The following UBE2Q2 variants were observed in gnomAD, a reference collection of about 807,000 sequenced individuals.
UBE2Q2 encodes the protein ubiquitin-conjugating enzyme E2 Q2.
A neutral mutation model predicts 59.9 loss-of-function variants in UBE2Q2; 54 were observed. The ratio of observed to expected loss-of-function variants is 0.90; its 90% CI spans 0.72 to 1.13. The LOEUF (loss-of-function observed/expected upper bound fraction) is 1.13, where lower values mean the gene tolerates loss of function less well. Among genes scored for constraint, UBE2Q2 ranks in the 50% most tolerant of loss-of-function variants. The pLI, the probability that UBE2Q2 is intolerant of heterozygous loss-of-function variation, is 0.00. For synonymous variants in UBE2Q2, 165 were observed against 155.2 expected (o/e 1.06, Z -0.47); for missense variants, 433 against 441.9 (o/e 0.98, Z 0.18).
chr15:75,891,458 T>C (rs1260381861), intron 11 of UBE2Q2, among the ~76,000 whole-genome samples: 1 of 151,606 alleles, frequency 6.6e-6, no homozygotes, highest in African/African-American at 2.4e-5. Flanking sequence ...TTTTACTTTT[T>C]TTTTTCTCTG....
intron 5 of UBE2Q2, among the ~76,000 whole-genome samples, chr15:75,875,000 G>A (rs2141621976): frequency 6.6e-6 from 1 of 152,228 alleles, no homozygotes; most frequent in Admixed American, 6.5e-5. Flanking sequence ...TTTTAGTAGA[G>A]CAAAGAAATT....
intron 9 of UBE2Q2, among the ~76,000 whole-genome samples, chr15:75,885,898 T>C (rs112177568): frequency 0.012 from 1,795 of 152,300 alleles, 30 homozygotes; most frequent in African/African-American, 0.041. Flanking sequence ...TAAAACCTCA[T>C]GATCAGTTTT....
At chr15:75,890,400 C>T (rs970682575) in intron 9 of UBE2Q2, 35 bp from the exon 10 acceptor site, 21 of 1,554,024 alleles carry the variant, frequency 1.4e-5, no homozygotes, top group Middle Eastern at 2.0e-4. Context: ...GAATAATTCT[C>T]GAGAATTTTG....
intron 3 of UBE2Q2, among the ~76,000 whole-genome samples, chr15:75,861,994 A>C (rs970519199): frequency 9.2e-5 from 14 of 152,248 alleles, no homozygotes; most frequent in Middle Eastern, 3.4e-3. Context: ...ATAGCGTCTC[A>C]TCCTCTCGGG....
chr15:75,881,801 AT>A (rs1024760927), intron 8 of UBE2Q2, among the ~76,000 whole-genome samples: 44 of 152,322 alleles, frequency 2.9e-4, no homozygotes, highest in Admixed American at 1.3e-3. Context: ...AACTTGCTAT[AT>A]TTTTAAGGAA....
intron 3 of UBE2Q2, among the ~76,000 whole-genome samples, chr15:75,867,187 A>G (rs1238765983): frequency 1.3e-5 from 2 of 152,150 alleles, no homozygotes; most frequent in Non-Finnish European, 2.9e-5. Context: ...GTGGAGTCTA[A>G]GATTTTGCTG....
chr15:75,863,453 C>CTT (rs754022015), intron 3 of UBE2Q2, among the ~76,000 whole-genome samples: 2 of 144,474 alleles, frequency 1.4e-5, no homozygotes, highest in African/African-American at 5.0e-5. Context: ...GTTTGTTTTT[C>CTT]TTTTTTTTTT....
intron 1 of UBE2Q2, among the ~76,000 whole-genome samples, chr15:75,848,166 A>G (rs1896453276): frequency 6.6e-6 from 1 of 152,220 alleles, no homozygotes; most frequent in African/African-American, 2.4e-5. Flanking sequence ...CTCTTTGGCA[A>G]TGATATTATG....
chr15:75,851,685 G>T (rs538701117), intron 1 of UBE2Q2, among the ~76,000 whole-genome samples: 1 of 152,106 alleles, frequency 6.6e-6, no homozygotes, highest in Non-Finnish European at 1.5e-5. Flanking sequence ...AACATCGTCA[G>T]TTATCCTTTC....
At chr15:75,860,951 T>C (rs1363704892) in intron 3 of UBE2Q2, among the ~76,000 whole-genome samples, 1 of 152,200 alleles carries the variant, frequency 6.6e-6, no homozygotes, top group African/African-American at 2.4e-5. Flanking sequence ...TTCTGAAAAA[T>C]ACTGTCCAGT....
In UBE2Q2 at chr15:75,899,613, A is replaced by G; in HGVS notation, c.*155A>G. On this transcript the variant is annotated 3_prime_UTR_variant, in exon 13 of 13. Coordinates refer to ENST00000267938, the MANE Select transcript of UBE2Q2 (RefSeq NM_173469.4). ...AATCTGTCATCTGACATCCAGTATA[A>G]GTTACAGCCTTTGCATTTTGCTCAT... 1.7e-6 allele frequency: 1 copy of G among 573,806 alleles called. No individual in the cohort carries two copies. Among genetic ancestry groups the G allele is most frequent in the East Asian group, 3.7e-5 (1 of 27,176 alleles). 35.5% of individuals were successfully genotyped at this position (573,806 alleles called of 1,614,324 possible).
At chr15:75,871,248 T>C (rs1421750100) in intron 4 of UBE2Q2, among the ~76,000 whole-genome samples, 1 of 152,152 alleles carries the variant, frequency 6.6e-6, no homozygotes, top group Non-Finnish European at 1.5e-5. Context: ...CCTAAGGCGG[T>C]TTTTCCCTAT....
chr15:75,848,454 C>T (rs1272522074), intron 1 of UBE2Q2, among the ~76,000 whole-genome samples: 1 of 152,222 alleles, frequency 6.6e-6, no homozygotes, highest in Non-Finnish European at 1.5e-5. Context: ...AATATCAGAA[C>T]TGTCATGTTA....
chr15:75,843,880 GC>G, intron 1 of UBE2Q2, 34 bp downstream of exon 1: 1 of 1,524,068 alleles, frequency 6.6e-7, no homozygotes, highest in Non-Finnish European at 8.8e-7. Flanking sequence ...GCGGGGCAGG[GC>G]GAGGACGGAG....
At chr15:75,872,668 C>T (rs1213871839) in intron 4 of UBE2Q2, among the ~76,000 whole-genome samples, 1 of 151,478 alleles carries the variant, frequency 6.6e-6, no homozygotes, top group East Asian at 1.9e-4. Flanking sequence ...TCCTGAGGAC[C>T]TGAGATAAAA....
intron 1 of UBE2Q2, 69 bp downstream of exon 1, chr15:75,843,915 C>T (rs989096794): frequency 4.4e-4 from 638 of 1,464,692 alleles, no homozygotes; most frequent in Non-Finnish European, 5.5e-4. Flanking sequence ...AGTCCCGGGA[C>T]AAAGGGGAGC....
rs759531359 is a variant in UBE2Q2, at chr15:75,859,930, T to C, written c.335T>C (p.Leu112Pro). The change falls in exon 3 of 13, where the codon CTT becomes CCT. Residue 112 changes from leucine (L) to proline (P), a missense_variant. By Grantham distance (98) the Leu-to-Pro change is moderately conservative. Transcript: ENST00000267938. ...LICELCSLYN[L>P]PKHLDVEMLD... ...TGTGAACTCTGCAGTTTATATAACC[T>C]TCCTAAGCACCTGGATGTTGAGATG... is the stretch of plus-strand genomic sequence containing the variant. 3 of 1,604,508 alleles carry C rather than the reference T, an allele frequency of 1.9e-6. No homozygotes were observed. Among genetic ancestry groups the C allele is most frequent in the South Asian group, 2.3e-5 (2 of 88,284 alleles).
rs981971381 is a variant in UBE2Q2 at position 75,843,867 on chromosome 15, C to T, written c.180+21C>T. On this transcript the variant is annotated intron_variant, in intron 1 of 12. Transcript: ENST00000267938. ...TCACGGTGAGGCGCCCGGCCGCGGC[C>T]CCGCGGGGCAGGGCGAGGACGGAGA... The T allele has an allele frequency of 8.4e-6, 13 of 1,541,022 alleles. No homozygotes were observed. In the Admixed American group the frequency reaches 2.2e-4, roughly 26 times the overall value.
intron 11 of UBE2Q2, 91 bp from the exon 12 acceptor site, chr15:75,896,904 C>A: frequency 1.4e-6 from 1 of 728,026 alleles, no homozygotes; most frequent in Non-Finnish European, 2.2e-6. Context: ...TTCCCATGTT[C>A]TTTTAAGCAC....
Sources: allele counts gnomAD v4.1 joint callset (sites outside exome capture counted in the v4.1 genomes callset), GRCh38; gene constraint gnomAD v4.1.1; transcripts MANE v1.5; gene names NCBI Gene and HGNC (gene_info 2026-07-23, HGNC 2026-07-21).